PPARGC1A: variants seen among roughly 807,000 people sequenced by gnomAD.
The protein encoded by PPARGC1A is PPARG coactivator 1 alpha.
PPARGC1A carries 25 observed loss-of-function variants against 88.7 expected under a neutral mutation model. The observed-to-expected ratio is 0.28, with a 90% CI of 0.21 to 0.39. The LOEUF is 0.39. Ranked by LOEUF, PPARGC1A falls within the 10% of genes least tolerant of loss-of-function variation. The pLI, the probability that PPARGC1A is intolerant of heterozygous loss-of-function variation, is 1.00. For missense variants in PPARGC1A, 880 were observed against 968.7 expected (o/e 0.91, Z 1.22); for synonymous variants, 363 against 355.6 (o/e 1.02, Z -0.24).
chr4:24,337,054 G>C, the PPARGC1A span, among the ~76,000 whole-genome samples: 1 of 152,114 alleles, frequency 6.6e-6, no homozygotes, highest in African/African-American at 2.4e-5. Context: ...TGCTTTTAAG[G>C]CTCTGTAAAT....
chr4:23,987,705 A>T, the PPARGC1A span, among the ~76,000 whole-genome samples: 1 of 151,696 alleles, frequency 6.6e-6, no homozygotes, highest in Admixed American at 6.6e-5. Context: ...TCATTTCTCC[A>T]CTCAATTAGA....
At chr4:23,876,333 A>G (rs1461880449) in intron 2 of PPARGC1A, among the ~76,000 whole-genome samples, 3 of 152,216 alleles carry the variant, frequency 2.0e-5, no homozygotes, top group African/African-American at 7.2e-5. Flanking sequence ...AATCTCTGAA[A>G]TGTTACTGTT....
intron 7 of PPARGC1A, among the ~76,000 whole-genome samples, chr4:23,816,521 C>G (rs1722014096): frequency 6.7e-6 from 1 of 150,034 alleles, no homozygotes; most frequent in African/African-American, 2.5e-5. Flanking sequence ...CTTCAATTAC[C>G]ACTTGCAATT....
the PPARGC1A span, among the ~76,000 whole-genome samples, chr4:23,933,118 T>C: frequency 6.6e-6 from 1 of 152,206 alleles, no homozygotes; most frequent in Non-Finnish European, 1.5e-5. Flanking sequence ...CCAAAACGTC[T>C]GAAAGCTCTG....
At chr4:24,113,162 C>T in the PPARGC1A span, among the ~76,000 whole-genome samples, 9 of 152,130 alleles carry the variant, frequency 5.9e-5, no homozygotes, top group Admixed American at 1.3e-4. Flanking sequence ...TTTTAGAGCA[C>T]AATCCATGTC....
the PPARGC1A span, among the ~76,000 whole-genome samples, chr4:24,220,561 T>C: frequency 6.6e-6 from 1 of 152,332 alleles, no homozygotes; most frequent in African/African-American, 2.4e-5. Context: ...AATGAAATCA[T>C]GTCCTTTGCA....
chr4:24,395,222 C>G, the PPARGC1A span, among the ~76,000 whole-genome samples: 1 of 152,170 alleles, frequency 6.6e-6, no homozygotes, highest in Non-Finnish European at 1.5e-5. Flanking sequence ...TGAGCATTTC[C>G]CCGCCTAGAT....
chr4:23,855,917 A>C (rs915473878), intron 2 of PPARGC1A, among the ~76,000 whole-genome samples: 4 of 152,190 alleles, frequency 2.6e-5, no homozygotes, highest in African/African-American at 9.7e-5. Context: ...AAACAATAAA[A>C]TTTAAACACA....
chr4:24,005,160 G>A, the PPARGC1A span, among the ~76,000 whole-genome samples: 8 of 152,206 alleles, frequency 5.3e-5, no homozygotes, highest in African/African-American at 1.7e-4. Flanking sequence ...AAAGGGTCTC[G>A]AAGCTAGTGG....
intron 2 of PPARGC1A, among the ~76,000 whole-genome samples, chr4:23,856,523 C>T (rs867942601): frequency 2.0e-5 from 3 of 152,176 alleles, no homozygotes; most frequent in East Asian, 1.9e-4. Context: ...AGAGATTAAA[C>T]GTCTTGCCCA....
the PPARGC1A span, among the ~76,000 whole-genome samples, chr4:24,347,793 T>C: frequency 6.6e-6 from 1 of 152,218 alleles, no homozygotes; most frequent in Non-Finnish European, 1.5e-5. Context: ...GTTGCTTTCA[T>C]CCTGCTCTTT....
chr4:24,045,877 T>A, the PPARGC1A span, among the ~76,000 whole-genome samples: 1 of 152,120 alleles, frequency 6.6e-6, no homozygotes, highest in African/African-American at 2.4e-5. Flanking sequence ...ACGGGCTACA[T>A]CACATAGCCC....
chr4:23,817,914 T>C (rs1305278550), intron 7 of PPARGC1A, among the ~76,000 whole-genome samples: 1 of 152,128 alleles, frequency 6.6e-6, no homozygotes, highest in Non-Finnish European at 1.5e-5. Context: ...TTGAACATAG[T>C]GTTAAACTTT....
intron 2 of PPARGC1A, among the ~76,000 whole-genome samples, chr4:23,836,574 A>G (rs1267804420): frequency 1.3e-5 from 2 of 152,232 alleles, no homozygotes; most frequent in Non-Finnish European, 2.9e-5. Context: ...TCGTTAATAA[A>G]TGATAGTTTA....
the PPARGC1A span, among the ~76,000 whole-genome samples, chr4:24,356,287 C>CT: frequency 9.9e-5 from 15 of 152,070 alleles, no homozygotes; most frequent in Admixed American, 5.9e-4. Context: ...CAGGGATTCC[C>CT]TTTCAGTCAA....
the PPARGC1A span, among the ~76,000 whole-genome samples, chr4:24,437,592 TTTTTG>T: frequency 8.7e-6 from 1 of 114,438 alleles, no homozygotes; most frequent in Non-Finnish European, 1.8e-5. Flanking sequence ...AGGCACAGGT[TTTTTG>T]TTGTTGTTGT....
chr4:24,273,348 T>C, the PPARGC1A span, among the ~76,000 whole-genome samples: 4 of 152,240 alleles, frequency 2.6e-5, no homozygotes, highest in Non-Finnish European at 5.9e-5. Flanking sequence ...CTGTCGTGTC[T>C]TTCTTTACAA....
At chr4:24,305,710 G>T in the PPARGC1A span, among the ~76,000 whole-genome samples, 213 of 152,306 alleles carry the variant, frequency 1.4e-3, 3 homozygotes, top group Non-Finnish European at 4.6e-4. Context: ...TAATCGGGAG[G>T]CTGAGGCAGG....
At chr4:24,321,569 C>G in the PPARGC1A span, among the ~76,000 whole-genome samples, 1 of 152,186 alleles carries the variant, frequency 6.6e-6, no homozygotes, top group African/African-American at 2.4e-5. Flanking sequence ...GCAGCGCTAC[C>G]CTGCCGGAAC....
Sources: gnomAD v4.1 joint callset for allele counts (sites outside exome capture counted in the v4.1 genomes callset) on GRCh38, gnomAD v4.1.1 for gene constraint, MANE v1.5 for transcripts, NCBI Gene and HGNC (gene_info 2026-07-23, HGNC 2026-07-21) for gene names.